ADAMTSL1: variants seen among roughly 807,000 people sequenced by gnomAD.
ADAMTSL1 encodes ADAMTS like 1, also known as ADAMTS-like protein 1.
In ADAMTSL1, 126 loss-of-function variants were observed where a neutral mutation model predicts 201.8. The observed-to-expected ratio is 0.62, with a 90% CI of 0.54 to 0.72. The LOEUF is 0.72. Among genes scored for constraint, ADAMTSL1 ranks in the 30% least tolerant of loss-of-function variants. The pLI is 0.00. For missense variants in ADAMTSL1, 2,679 were observed against 2,277.8 expected, an observed-to-expected ratio of 1.18 and a Z score of -3.59; for synonymous variants, 1,121 against 903.4, an observed-to-expected ratio of 1.24 and a Z score of -4.32.
At chr9:18,510,124 C>A (rs1334898342) in intron 2 of ADAMTSL1, among the ~76,000 whole-genome samples, 3 of 152,118 alleles carry the variant, frequency 2.0e-5, no homozygotes, top group Admixed American at 1.3e-4. Flanking sequence ...AGTAATATGA[C>A]CTCTTAGAGC....
intron 2 of ADAMTSL1, among the ~76,000 whole-genome samples, chr9:18,317,134 G>A (rs1834432510): frequency 6.6e-6 from 1 of 152,064 alleles, no homozygotes; most frequent in African/African-American, 2.4e-5. Flanking sequence ...ATATAGAAAG[G>A]CAAATACCGT....
intron 1 of ADAMTSL1, among the ~76,000 whole-genome samples, chr9:18,066,114 T>C (rs1439094068): frequency 6.6e-6 from 1 of 151,592 alleles, no homozygotes; most frequent in African/African-American, 2.4e-5. Flanking sequence ...TGTTATTTAA[T>C]ATAGTGTCAC....
chr9:18,360,866 C>A lies in ADAMTSL1; in HGVS notation c.208-143963C>A, dbSNP rs117074611. On this transcript the variant is annotated intron_variant, in intron 2 of 29. Transcript: ENST00000680146. ...CATAATCCTAAACTTTTCATTTTCC[C>A]CCAGAAAAATGGACTCCAAAACAAC... 2.0e-4 allele frequency among the ~76,000 whole-genome samples: 31 copies of A among 152,182 alleles called. No individual in the cohort carries two copies. The East Asian group carries it at 5.6e-3, about 28-fold the overall frequency.
intron 1 of ADAMTSL1, among the ~76,000 whole-genome samples, chr9:18,003,526 C>T (rs1362196382): frequency 6.6e-6 from 1 of 152,084 alleles, no homozygotes; most frequent in East Asian, 1.9e-4. Context: ...TGTTGTTTTA[C>T]TGCAACATGA....
chr9:18,217,491 C>T (rs974576637), intron 2 of ADAMTSL1, among the ~76,000 whole-genome samples: 1 of 152,086 alleles, frequency 6.6e-6, no homozygotes, highest in Non-Finnish European at 1.5e-5. Context: ...TTCTTTCCTG[C>T]TTTTTGGAAT....
chr9:18,010,874 C>A (rs1030329666), intron 1 of ADAMTSL1, among the ~76,000 whole-genome samples: 3 of 151,984 alleles, frequency 2.0e-5, no homozygotes, highest in Non-Finnish European at 4.4e-5. Context: ...TATGTGATCA[C>A]TGTATCCTGA....
chr9:18,076,557 T>C (rs1234406676), intron 1 of ADAMTSL1, among the ~76,000 whole-genome samples: 1 of 152,168 alleles, frequency 6.6e-6, no homozygotes, highest in Non-Finnish European at 1.5e-5. Context: ...TAGGAAGCTG[T>C]CTTGAGAAAG....
chr9:18,131,990 C>T (rs1322488816), intron 1 of ADAMTSL1, among the ~76,000 whole-genome samples: 1 of 152,114 alleles, frequency 6.6e-6, no homozygotes, highest in Non-Finnish European at 1.5e-5. Context: ...CTTGTAACAT[C>T]AGTGTTAATT....
At chr9:18,576,088 A>G (rs10756979) in intron 4 of ADAMTSL1, among the ~76,000 whole-genome samples, 79,710 of 151,598 alleles carry the variant, frequency 0.53, 22,156 homozygotes, top group East Asian at 0.77. Context: ...TTTAACTTAT[A>G]TTCTTATGAG....
chr9:18,740,844 C>A (rs1488834248), intron 15 of ADAMTSL1, among the ~76,000 whole-genome samples: 1 of 152,114 alleles, frequency 6.6e-6, no homozygotes, highest in Non-Finnish European at 1.5e-5. Context: ...TTCATGGAAG[C>A]ATTCTTATAC....
chr9:18,436,808 C>T (rs1272222228), intron 2 of ADAMTSL1, among the ~76,000 whole-genome samples: 1 of 152,150 alleles, frequency 6.6e-6, no homozygotes, highest in African/African-American at 2.4e-5. Flanking sequence ...CTGTATTATA[C>T]AGCATTACCT....
At chr9:18,016,870 C>T (rs1820280682) in intron 1 of ADAMTSL1, among the ~76,000 whole-genome samples, 1 of 151,954 alleles carries the variant, frequency 6.6e-6, no homozygotes, top group Non-Finnish European at 1.5e-5. Flanking sequence ...GGCTTTGTAG[C>T]AAAATTTGTG....
intron 18 of ADAMTSL1, 123 bp downstream of exon 18, chr9:18,776,019 T>A (rs1396513695): frequency 1.5e-6 from 2 of 1,301,726 alleles, no homozygotes; most frequent in African/African-American, 3.0e-5. Context: ...TAGAACCCCA[T>A]GGAGGGCTGC....
intron 2 of ADAMTSL1, among the ~76,000 whole-genome samples, chr9:18,378,810 T>TCTG (rs1837421245): frequency 6.7e-6 from 1 of 148,924 alleles, no homozygotes; most frequent in African/African-American, 2.6e-5. Flanking sequence ...TAAGTAGTTT[T>TCTG]TTGTTGTTGT....
At chr9:18,534,280 G>C (rs536477715) in intron 3 of ADAMTSL1, among the ~76,000 whole-genome samples, 21 of 152,208 alleles carry the variant, frequency 1.4e-4, no homozygotes, top group African/African-American at 5.1e-4. Flanking sequence ...AGTAGTCACA[G>C]CTACTCACGA....
intron 4 of ADAMTSL1, among the ~76,000 whole-genome samples, chr9:18,587,110 A>C (rs760238209): frequency 2.3e-4 from 35 of 152,238 alleles, no homozygotes; most frequent in Non-Finnish European, 4.4e-4. Flanking sequence ...AAATCTAATT[A>C]AACTAAAGAG....
chr9:18,757,105 G>A (rs1819816144), intron 16 of ADAMTSL1, among the ~76,000 whole-genome samples: 1 of 152,170 alleles, frequency 6.6e-6, no homozygotes, highest in African/African-American at 2.4e-5. Flanking sequence ...TTTTATTTCA[G>A]TTCTTCCTCT....
chr9:18,377,587 T>A (rs1369841424), intron 2 of ADAMTSL1, among the ~76,000 whole-genome samples: 1 of 152,182 alleles, frequency 6.6e-6, no homozygotes, highest in East Asian at 1.9e-4. Flanking sequence ...TTTTTGTTTC[T>A]GAGACAGAGT....
In ADAMTSL1 at chr9:18,431,422, G is replaced by C. The variant is rs183079236; in HGVS notation, c.208-73407G>C. Among the ~76,000 whole-genome samples the C allele has an allele frequency of 7.7e-3, 1,167 of 152,236 alleles. 7 individuals carry two copies. Among genetic ancestry groups the C allele is most frequent in the Non-Finnish European group, 0.011 (775 of 68,020 alleles). ...CTAAGCTTGTACATATTCATTCAGA[G>C]ACAATTATGAGCATCCTTTGAAATG... On this transcript the variant is annotated intron_variant, in intron 2 of 29. Coordinates refer to the ADAMTSL1 transcript ENST00000680146.
Sources: gnomAD v4.1 joint callset for allele counts (sites outside exome capture counted in the v4.1 genomes callset) on GRCh38, gnomAD v4.1.1 for gene constraint, MANE v1.5 for transcripts, NCBI Gene and HGNC (gene_info 2026-07-23, HGNC 2026-07-21) for gene names.